Variants in DAB1 observed in about 807,000 individuals in gnomAD.
DAB1 encodes the protein disabled homolog 1.
Under a neutral mutation model 64.6 loss-of-function variants are expected in DAB1, and 15 were observed. The observed-to-expected ratio is 0.23, with a 90% CI of 0.16 to 0.36. The LOEUF is 0.36. Among genes scored for constraint, DAB1 ranks in the 10% least tolerant of loss-of-function variants. DAB1 has a pLI of 1.00. For missense variants in DAB1, 596 were observed against 706.7 expected (o/e 0.84, Z 1.78); for synonymous variants, 235 against 251.9 (o/e 0.93, Z 0.64).
At chr1:57,368,677 C>T (rs1457147970) in intron 1 of DAB1, among the ~76,000 whole-genome samples, 1 of 152,140 alleles carries the variant, frequency 6.6e-6, no homozygotes, top group Non-Finnish European at 1.5e-5. Context: ...TGCAGGTCTC[C>T]TCTGAGCTGT....
chr1:58,518,145 C>T (rs1452658299), intron 2 of DAB1, among the ~76,000 whole-genome samples: 1 of 144,318 alleles, frequency 6.9e-6, no homozygotes, highest in East Asian at 2.1e-4. Context: ...GAGATCGCGC[C>T]ATTGCACTCC....
At chr1:57,394,595 C>A (rs989544574) in intron 1 of DAB1, among the ~76,000 whole-genome samples, 4 of 152,274 alleles carry the variant, frequency 2.6e-5, no homozygotes, top group East Asian at 1.9e-4. Context: ...TGCAGATGCC[C>A]CTGGAAAGCT....
chr1:57,155,606 T>C (rs1366102694), intron 2 of DAB1, among the ~76,000 whole-genome samples: 4 of 152,092 alleles, frequency 2.6e-5, no homozygotes, highest in Admixed American at 2.0e-4. Context: ...ATAAGGATTG[T>C]ATTGAATCTG....
chr1:58,041,659 G>A lies in DAB1; in HGVS notation n.387+108852C>T, dbSNP rs567229717. 6.6e-5 allele frequency among the ~76,000 whole-genome samples: 10 copies of A among 152,298 alleles called. No individual in the cohort carries two copies. In the East Asian group the frequency reaches 1.2e-3, roughly 18 times the overall value. Reference sequence around the variant, plus strand: ...GGCTGCAGAGTGCAGATGCTTAAACGCTACCACACACCACCCTCAAAGAAG... The same window carrying A: ...GGCTGCAGAGTGCAGATGCTTAAACACTACCACACACCACCCTCAAAGAAG... On this transcript the variant is annotated intron_variant and non_coding_transcript_variant, in intron 5 of 20. Transcript: ENST00000485760.
intron 7 of DAB1, among the ~76,000 whole-genome samples, chr1:57,574,470 C>A (rs1645227300): frequency 1.3e-5 from 2 of 152,150 alleles, no homozygotes; most frequent in Admixed American, 6.5e-5. Context: ...TATTCTTAAT[C>A]CCCATTTTTT....
intron 6 of DAB1, among the ~76,000 whole-genome samples, chr1:57,669,475 G>A (rs764022441): frequency 7.2e-5 from 11 of 152,002 alleles, no homozygotes; most frequent in African/African-American, 9.7e-5. Flanking sequence ...CCCCCTGCCC[G>A]CCATGAAAAT....
intron 4 of DAB1, among the ~76,000 whole-genome samples, chr1:58,291,588 T>C (rs1661838568): frequency 6.6e-6 from 1 of 152,174 alleles, no homozygotes; most frequent in Non-Finnish European, 1.5e-5. Flanking sequence ...TAACACAAAA[T>C]ATGTGATCAA....
intron 7 of DAB1, among the ~76,000 whole-genome samples, chr1:57,583,907 G>T (rs760815687): frequency 1.3e-5 from 2 of 152,100 alleles, no homozygotes. Flanking sequence ...ATGCCATTGC[G>T]GCCTTAGGGC....
At chr1:58,267,217 C>T (rs1375727619) in intron 4 of DAB1, among the ~76,000 whole-genome samples, 1 of 151,746 alleles carries the variant, frequency 6.6e-6, no homozygotes, top group Non-Finnish European at 1.5e-5. Flanking sequence ...TAGACTCCAT[C>T]TCAAAAAAAT....
At chr1:58,245,205 C>T (rs1036089948) in intron 4 of DAB1, among the ~76,000 whole-genome samples, 2 of 152,142 alleles carry the variant, frequency 1.3e-5, no homozygotes, top group Non-Finnish European at 2.9e-5. Context: ...AACCCCCCGC[C>T]GCCTCAGAGC....
rs1301501648 is a variant in DAB1, at chr1:58,126,721, T to A, written n.387+23790A>T. The stretch of plus-strand genomic sequence containing the variant: ...AGAATATGCGGTGTTTGGTTTTTTG[T>A]TCTTGCGATAGTTTACTGAGAATGA... On this transcript the variant is annotated intron_variant and non_coding_transcript_variant, in intron 5 of 20. Coordinates refer to the DAB1 transcript ENST00000485760. Among the ~76,000 whole-genome samples, 3 of 151,860 alleles carry A rather than the reference T, an allele frequency of 2.0e-5. No individual in the cohort carries two copies. The East Asian group carries it at 5.8e-4, about 29-fold the overall frequency.
At chr1:58,420,256 CA>C (rs1644759661) in intron 3 of DAB1, among the ~76,000 whole-genome samples, 1 of 152,154 alleles carries the variant, frequency 6.6e-6, no homozygotes, top group Admixed American at 6.5e-5. Flanking sequence ...CCCTCTTAGC[CA>C]CAGCCATCTT....
intron 3 of DAB1, among the ~76,000 whole-genome samples, chr1:58,453,276 C>G (rs1436431057): frequency 6.6e-6 from 1 of 152,132 alleles, no homozygotes; most frequent in East Asian, 1.9e-4. Flanking sequence ...TTGGGGGTGA[C>G]AGGCTCCTCT....
At position 57,439,428 on chromosome 1, in the gene DAB1, T is replaced by G. The variant is rs913477934; in HGVS notation, n.626-148262A>C. On this transcript the variant is annotated intron_variant and non_coding_transcript_variant, in intron 7 of 20. Transcript: ENST00000485760. The stretch of plus-strand genomic sequence containing the variant: ...CAACTTGGTGATGAGGTTTTTTCTT[T>G]TTTTTTTTTTTTTTTTTTTGAGACG... 6.1e-3 allele frequency among the ~76,000 whole-genome samples: 735 copies of G among 119,864 alleles called. 22 individuals are homozygous for G. The highest frequency in any genetic ancestry group is 0.024 in the African/African-American group (713 of 30,244). 78.6% of individuals were successfully genotyped at this position (119,864 alleles called of 152,430 possible). A position where few individuals can be genotyped will look rare whatever the true frequency, so the allele number is the denominator to read the frequency against.
At chr1:57,571,990 G>A (rs564059388) in intron 7 of DAB1, among the ~76,000 whole-genome samples, 26 of 152,272 alleles carry the variant, frequency 1.7e-4, no homozygotes, top group Middle Eastern at 3.4e-3. Flanking sequence ...AAGTGCTAAA[G>A]GAATGTTGTG....
In DAB1 at chr1:57,133,940, A is replaced by G. The variant is rs1230669981; in HGVS notation, c.306+2603T>C. 2.6e-5 allele frequency among the ~76,000 whole-genome samples: 4 copies of G among 152,186 alleles called. No individual in the cohort carries two copies. In the South Asian group the frequency reaches 8.3e-4, roughly 32 times the overall value. On this transcript the variant is annotated intron_variant, in intron 4 of 14. Transcript: ENST00000371236. ...GGTTTAGTAAACTGTTCCTGCTCAT[A>G]ATTTCCAGTAGAGATTTTTCAAATA...
At chr1:57,564,589 T>G (rs1645094173) in intron 7 of DAB1, among the ~76,000 whole-genome samples, 1 of 152,140 alleles carries the variant, frequency 6.6e-6, no homozygotes, top group African/African-American at 2.4e-5. Flanking sequence ...AGTCCTTAAA[T>G]GACCTGACGG....
chr1:57,051,754 CTT>C (rs1649211887), intron 9 of DAB1, among the ~76,000 whole-genome samples: 1 of 152,122 alleles, frequency 6.6e-6, no homozygotes, highest in Admixed American at 6.5e-5. Context: ...TCATGGATGA[CTT>C]AGACATGTGC....
At chr1:58,071,396 G>GTT (rs1347146351) in intron 5 of DAB1, among the ~76,000 whole-genome samples, 12 of 151,154 alleles carry the variant, frequency 7.9e-5, no homozygotes, top group Non-Finnish European at 1.5e-4. Context: ...GTGTGTGTGT[G>GTT]TGTGTGTGTG....
Sources: allele counts gnomAD v4.1 joint callset (sites outside exome capture counted in the v4.1 genomes callset), GRCh38; gene constraint gnomAD v4.1.1; transcripts MANE v1.5; gene names NCBI Gene and HGNC (gene_info 2026-07-23, HGNC 2026-07-21).